RIT2: variants seen among roughly 807,000 people sequenced by gnomAD.
RIT2 encodes the protein Ras like without CAAX 2.
In RIT2, 24 loss-of-function variants were observed where a neutral mutation model predicts 23.7. The observed-to-expected ratio is 1.01, with a 90% CI of 0.73 to 1.43. RIT2 has a LOEUF of 1.43. Ranked by LOEUF, RIT2 falls within the 40% of genes most tolerant of loss-of-function variation. The pLI, the probability that RIT2 is intolerant of heterozygous loss-of-function variation, is 0.00. For synonymous variants in RIT2, 107 were observed against 91.1 expected, an observed-to-expected ratio of 1.17 and a Z score of -0.99; for missense variants, 236 against 266.9, an observed-to-expected ratio of 0.88 and a Z score of 0.81.
rs755291383 is a variant in RIT2 at position 43,049,972 on chromosome 18, C to CTT, written c.104-16107_104-16106dup. ...CAATGGGTAATTGAGAAGGGATTTC[C>CTT]TTTTTTTTTTTTTTTTTTTTTTTTT... On this transcript the variant is annotated intron_variant, in intron 1 of 4. Transcript: ENST00000326695. 4.0e-3 allele frequency among the ~76,000 whole-genome samples: 263 copies of CTT among 65,968 alleles called. 10 individuals carry two copies. The highest frequency in any genetic ancestry group is 0.015 in the African/African-American group (232 of 15,264). The allele number at this position is 65,968 out of a possible 152,430, so 43.3% of individuals were successfully genotyped here.
intron 1 of RIT2, among the ~76,000 whole-genome samples, chr18:43,113,890 T>A (rs544194316): frequency 1.8e-4 from 28 of 152,290 alleles, no homozygotes; most frequent in Admixed American, 1.6e-3. Flanking sequence ...CTGTTTTTTT[T>A]AAATCTGTTT....
intron 3 of RIT2, among the ~76,000 whole-genome samples, chr18:42,965,241 A>T (rs536764057): frequency 6.6e-6 from 1 of 152,352 alleles, no homozygotes; most frequent in South Asian, 2.1e-4. Context: ...TTTAAATAAC[A>T]TTTAACTCTT....
At chr18:42,763,327 T>C (rs1019415814) in intron 4 of RIT2, among the ~76,000 whole-genome samples, 3 of 152,090 alleles carry the variant, frequency 2.0e-5, no homozygotes, top group Non-Finnish European at 4.4e-5. Flanking sequence ...CTGGGTGTGG[T>C]GGCAGGCCCC....
intron 4 of RIT2, among the ~76,000 whole-genome samples, chr18:42,791,121 C>G (rs1244152961): frequency 6.6e-6 from 1 of 152,160 alleles, no homozygotes; most frequent in African/African-American, 2.4e-5. Flanking sequence ...ACTTGGGAAG[C>G]AGCAGGACTG....
At chr18:43,067,638 G>C (rs1475430157) in intron 1 of RIT2, among the ~76,000 whole-genome samples, 1 of 152,168 alleles carries the variant, frequency 6.6e-6, no homozygotes, top group Non-Finnish European at 1.5e-5. Context: ...GTTATGAATG[G>C]GGTTGTGGAG....
chr18:42,838,374 C>T (rs77901230), intron 4 of RIT2, among the ~76,000 whole-genome samples: 2,450 of 152,056 alleles, frequency 0.016, 76 homozygotes, highest in African/African-American at 0.056. Flanking sequence ...GGACTGGAAT[C>T]CTGATGGATT....
chr18:43,007,628 T>C (rs188383763), intron 2 of RIT2, among the ~76,000 whole-genome samples: 2 of 151,758 alleles, frequency 1.3e-5, no homozygotes, highest in Admixed American at 6.6e-5. Context: ...GGAGTCAACT[T>C]GAAAAATTGC....
At chr18:43,042,843 C>CA (rs1375237315) in intron 1 of RIT2, among the ~76,000 whole-genome samples, 2 of 151,834 alleles carry the variant, frequency 1.3e-5, no homozygotes, top group African/African-American at 4.8e-5. Context: ...ACAACAGCAA[C>CA]AAAAAATAAA....
intron 1 of RIT2, among the ~76,000 whole-genome samples, chr18:43,043,525 C>T (rs557539959): frequency 9.3e-4 from 141 of 152,312 alleles, no homozygotes; most frequent in African/African-American, 2.9e-3. Context: ...GGCCTGGTGG[C>T]TCACGCTTGT....
chr18:42,783,958 A>G (rs1276411979), intron 4 of RIT2, among the ~76,000 whole-genome samples: 2 of 152,030 alleles, frequency 1.3e-5, no homozygotes, highest in Non-Finnish European at 1.5e-5. Flanking sequence ...ATTAATCACC[A>G]TAACTCAGCA....
intron 4 of RIT2, among the ~76,000 whole-genome samples, chr18:42,836,333 G>A (rs1906602713): frequency 6.6e-6 from 1 of 152,206 alleles, no homozygotes; most frequent in Middle Eastern, 3.4e-3. Context: ...GGCTGAGCTA[G>A]GCTGAAGGAA....
intron 1 of RIT2, among the ~76,000 whole-genome samples, chr18:43,087,919 C>T (rs190957745): frequency 1.2e-4 from 18 of 152,204 alleles, no homozygotes; most frequent in East Asian, 3.9e-4. Context: ...TCTAGTTACA[C>T]ATAATTTCAA....
intron 4 of RIT2, among the ~76,000 whole-genome samples, chr18:42,893,807 TG>T (rs1908248217): frequency 1.3e-5 from 2 of 152,196 alleles, no homozygotes; most frequent in Admixed American, 6.5e-5. Flanking sequence ...TGTCATGGGC[TG>T]GTACACCCCT....
chr18:43,021,180 A>T (rs1488823675), intron 2 of RIT2, among the ~76,000 whole-genome samples: 1 of 152,080 alleles, frequency 6.6e-6, no homozygotes, highest in East Asian at 1.9e-4. Context: ...AAGTAAATTA[A>T]TTAATTTTAT....
chr18:42,883,606 C>T (rs1943944), intron 4 of RIT2, among the ~76,000 whole-genome samples: 7,553 of 151,996 alleles, frequency 0.05, 569 homozygotes, highest in East Asian at 0.31. Flanking sequence ...GACGCCCCCA[C>T]GCTATTTTCA....
At chr18:43,067,962 A>C (rs1336136617) in intron 1 of RIT2, among the ~76,000 whole-genome samples, 1 of 152,174 alleles carries the variant, frequency 6.6e-6, no homozygotes, top group Non-Finnish European at 1.5e-5. Flanking sequence ...AAAATAATTA[A>C]GAAAATAAAA....
chr18:42,797,631 G>A (rs996711580), intron 4 of RIT2, among the ~76,000 whole-genome samples: 3 of 151,988 alleles, frequency 2.0e-5, no homozygotes, highest in African/African-American at 4.8e-5. Context: ...CAAGATCTAG[G>A]ACCATTTCCT....
intron 3 of RIT2, among the ~76,000 whole-genome samples, chr18:42,956,245 C>G (rs1909968373): frequency 6.6e-6 from 1 of 152,118 alleles, no homozygotes; most frequent in South Asian, 2.1e-4. Flanking sequence ...CACATCTCTG[C>G]TAGAGGATGC....
At chr18:43,107,037 CGTCTGTCAATGTGTACA>C (rs1791659780) in intron 1 of RIT2, among the ~76,000 whole-genome samples, 1 of 152,122 alleles carries the variant, frequency 6.6e-6, no homozygotes, top group African/African-American at 2.4e-5. Flanking sequence ...AGAGGACCAC[CGTCTGTCAATGTGTACA>C]GTCGCAATCC....
Sources: gnomAD v4.1 joint callset for allele counts (sites outside exome capture counted in the v4.1 genomes callset) on GRCh38, gnomAD v4.1.1 for gene constraint, MANE v1.5 for transcripts, NCBI Gene and HGNC (gene_info 2026-07-23, HGNC 2026-07-21) for gene names.